Variants in HPSE2 observed in about 807,000 individuals in gnomAD.
HPSE2 encodes the protein inactive heparanase-2.
Under a neutral mutation model 60.5 loss-of-function variants are expected in HPSE2, and 38 were observed. The observed-to-expected ratio is 0.63, with a 90% CI of 0.48 to 0.82. The LOEUF is 0.82. HPSE2 is among the 40% of genes least tolerant of loss of function. The pLI, the probability that HPSE2 is intolerant of heterozygous loss-of-function variation, is 0.00. For missense variants in HPSE2, 713 were observed against 740.4 expected (o/e 0.96, Z 0.43); for synonymous variants, 295 against 293.2 (o/e 1.01, Z -0.06).
chr10:99,119,531 G>C (rs1844862256), intron 3 of HPSE2, among the ~76,000 whole-genome samples: 1 of 152,162 alleles, frequency 6.6e-6, no homozygotes, highest in Non-Finnish European at 1.5e-5. Flanking sequence ...GCAATTTATA[G>C]ATTCAATACT....
intron 3 of HPSE2, among the ~76,000 whole-genome samples, chr10:98,906,191 T>C (rs898072866): frequency 2.0e-5 from 3 of 152,210 alleles, no homozygotes; most frequent in African/African-American, 7.2e-5. Context: ...TGCCCAATTC[T>C]GCTTTCTTCC....
At chr10:98,745,343 C>G (rs1949604283) in intron 3 of HPSE2, among the ~76,000 whole-genome samples, 1 of 152,226 alleles carries the variant, frequency 6.6e-6, no homozygotes, top group Non-Finnish European at 1.5e-5. Flanking sequence ...CTGTCATTTA[C>G]ACTTGGATAA....
In HPSE2 at chr10:98,923,167, T is replaced by C. The variant is rs1315770567; in HGVS notation, c.611-179111A>G. Among the ~76,000 whole-genome samples, 4 of 152,238 alleles carry C rather than the reference T, an allele frequency of 2.6e-5. No homozygotes were observed. The East Asian group carries it at 5.8e-4, about 22-fold the overall frequency. ...GCTTAAAGGATATTTTCTCAAGATATACTAATCTAAGATAAGAGTTTTATT... is the reference window on the plus strand; with the variant it reads ...GCTTAAAGGATATTTTCTCAAGATACACTAATCTAAGATAAGAGTTTTATT... On this transcript the variant is annotated intron_variant, in intron 3 of 11. Coordinates refer to ENST00000370552, the MANE Select transcript of HPSE2 (RefSeq NM_021828.5).
At chr10:99,055,613 A>T (rs935988413) in intron 3 of HPSE2, among the ~76,000 whole-genome samples, 2 of 152,178 alleles carry the variant, frequency 1.3e-5, no homozygotes, top group Non-Finnish European at 2.9e-5. Flanking sequence ...CCAAAGACTG[A>T]AACTCACAAG....
At chr10:98,586,732 G>T (rs1176415802) in intron 9 of HPSE2, among the ~76,000 whole-genome samples, 2 of 152,134 alleles carry the variant, frequency 1.3e-5, no homozygotes, top group East Asian at 3.8e-4. Flanking sequence ...TAATGAAAAG[G>T]AAATAATTCT....
chr10:99,305,218 C>A, the HPSE2 span, among the ~76,000 whole-genome samples: 1 of 3,984 alleles, frequency 2.5e-4, no homozygotes, highest in African/African-American at 3.9e-3. Context: ...TCTCTAGTCC[C>A]AATAAATCTG....
chr10:98,729,071 T>C (rs1037939538), intron 4 of HPSE2, among the ~76,000 whole-genome samples: 1 of 151,992 alleles, frequency 6.6e-6, no homozygotes, highest in African/African-American at 2.4e-5. Flanking sequence ...TTAGACAATA[T>C]TTCTTTTACA....
chr10:98,881,957 G>A, intron 3 of HPSE2, among the ~76,000 whole-genome samples: 1 of 152,076 alleles, frequency 6.6e-6, no homozygotes, highest in Non-Finnish European at 1.5e-5. Flanking sequence ...ACTTGTTTTG[G>A]GCTCATGGTT....
chr10:99,023,165 C>G (rs987319746), intron 3 of HPSE2, among the ~76,000 whole-genome samples: 3 of 152,112 alleles, frequency 2.0e-5, no homozygotes, highest in African/African-American at 7.2e-5. Flanking sequence ...CACATACTGA[C>G]TTAAGAGCCC....
intron 2 of HPSE2, among the ~76,000 whole-genome samples, chr10:99,146,455 T>C (rs1317826934): frequency 2.0e-5 from 3 of 152,222 alleles, no homozygotes; most frequent in Non-Finnish European, 4.4e-5. Context: ...AGAGCCTCAC[T>C]AAGAGAAACT....
rs1318293419 is a variant in HPSE2, at chr10:99,160,682, G to A, written c.449-16283C>T. Reference sequence around the variant, plus strand: ...TGGGAGGCCGAGGCGGGCGGATCACGAGGTCAGGAGATCGAGACCATCCCG... The same window carrying A: ...TGGGAGGCCGAGGCGGGCGGATCACAAGGTCAGGAGATCGAGACCATCCCG... On this transcript the variant is annotated intron_variant, in intron 2 of 11. Coordinates refer to ENST00000370552, the MANE Select transcript of HPSE2 (RefSeq NM_021828.5). 2.6e-5 allele frequency among the ~76,000 whole-genome samples: 4 copies of A among 151,740 alleles called. No individual in the cohort carries two copies. In the South Asian group the frequency reaches 6.2e-4, roughly 24 times the overall value.
intron 8 of HPSE2, among the ~76,000 whole-genome samples, chr10:98,616,623 C>CA (rs1018354397): frequency 6.6e-6 from 1 of 151,200 alleles, no homozygotes; most frequent in Non-Finnish European, 1.5e-5. Flanking sequence ...ATTTTATTCT[C>CA]AAAAAAACTA....
intron 2 of HPSE2, among the ~76,000 whole-genome samples, chr10:99,219,522 T>C (rs1033686312): frequency 1.3e-5 from 2 of 152,148 alleles, no homozygotes; most frequent in African/African-American, 4.8e-5. Context: ...AAAACACAAG[T>C]ACCTACACCA....
chr10:98,591,346 T>G (rs1394071173), intron 9 of HPSE2, among the ~76,000 whole-genome samples: 1 of 152,154 alleles, frequency 6.6e-6, no homozygotes, highest in Non-Finnish European at 1.5e-5. Context: ...TCACAATTAA[T>G]TGGCATCCAG....
intron 3 of HPSE2, among the ~76,000 whole-genome samples, chr10:98,795,466 A>C (rs751902227): frequency 6.6e-6 from 1 of 152,230 alleles, no homozygotes; most frequent in Non-Finnish European, 1.5e-5. Flanking sequence ...CTGTGCATGG[A>C]GGGAGCATTT....
intron 3 of HPSE2, among the ~76,000 whole-genome samples, chr10:98,929,593 G>A (rs1954586608): frequency 7.0e-6 from 1 of 143,658 alleles, no homozygotes; most frequent in Admixed American, 6.9e-5. Flanking sequence ...TTCAAAAGTT[G>A]AAAGACTATA....
chr10:98,960,718 T>TA (rs1955642497), intron 3 of HPSE2, among the ~76,000 whole-genome samples: 5 of 44,776 alleles, frequency 1.1e-4, no homozygotes, highest in Admixed American at 3.7e-4. Context: ...TTTTTTTTTT[T>TA]TTGTTTTATT....
At chr10:99,142,566 T>C (rs1330439370) in intron 3 of HPSE2, among the ~76,000 whole-genome samples, 3 of 152,200 alleles carry the variant, frequency 2.0e-5, no homozygotes, top group Non-Finnish European at 4.4e-5. Context: ...TGAGGACTCT[T>C]TGAAGCAGCT....
intron 11 of HPSE2, among the ~76,000 whole-genome samples, chr10:98,476,802 C>T (rs1402208074): frequency 1.6e-4 from 24 of 151,622 alleles, no homozygotes; most frequent in Admixed American, 1.3e-3. Context: ...AAAAAAGGGG[C>T]GGGACGGTCT....
Sources: gnomAD v4.1 joint callset for allele counts (sites outside exome capture counted in the v4.1 genomes callset) on GRCh38, gnomAD v4.1.1 for gene constraint, MANE v1.5 for transcripts, NCBI Gene and HGNC (gene_info 2026-07-23, HGNC 2026-07-21) for gene names.